The following RPS29 variants were observed in gnomAD, a reference collection of about 807,000 sequenced individuals.
The protein encoded by RPS29 is ribosomal protein S29.
For synonymous variants in RPS29, 37 were observed against 26.9 expected, an observed-to-expected ratio of 1.37 and a Z score of -1.16; for missense variants, 60 against 75.7, an observed-to-expected ratio of 0.79 and a Z score of 0.77.
At chr14:49,583,074 A>C (rs1197271263), downstream of RPS29, among the ~76,000 whole-genome samples, 1 of 152,188 alleles carries the variant, frequency 6.6e-6, no homozygotes, top group Non-Finnish European at 1.5e-5. Flanking sequence ...CCTGGGCTCA[A>C]GCAATCCTTC....
At chr14:49,592,513 A>G (rs889225663) in intron 1 of RPS29, among the ~76,000 whole-genome samples, 1 of 150,906 alleles carries the variant, frequency 6.6e-6, no homozygotes, top group African/African-American at 2.4e-5. Flanking sequence ...GATTACAGGC[A>G]TGCGCCACCA....
intron 1 of RPS29, chr14:49,598,266 G>T (rs988299951): frequency 1.7e-6 from 1 of 592,358 alleles, no homozygotes; most frequent in African/African-American, 1.9e-5. Context: ...CTCCCCAGGC[G>T]CTTCCCACTC....
chr14:49,592,032 T>C (rs1250539935), intron 1 of RPS29, among the ~76,000 whole-genome samples: 1 of 152,194 alleles, frequency 6.6e-6, no homozygotes, highest in East Asian at 1.9e-4. Flanking sequence ...TGGGAACTTT[T>C]TTGAGTCCAC....
At chr14:49,586,555 T>A (rs567250982), upstream of RPS29, 105 of 585,988 alleles carry the variant, frequency 1.8e-4, 1 homozygote, top group South Asian at 2.0e-3. Flanking sequence ...CAGCTTCTAG[T>A]GCTATTCTGC....
Position 49,586,013 on chromosome 14 carries a change from T to C in RPS29, c.99A>G (p.Lys33=). The C allele has an allele frequency of 6.2e-7, 1 of 1,614,036 alleles. No homozygotes were observed. The highest frequency in any genetic ancestry group is 2.2e-5 in the East Asian group (1 of 44,888). The change falls in exon 2 of 3, where the codon AAA becomes AAG. Residue 33 remains lysine (K), a synonymous_variant. Transcript: ENST00000245458. The stretch of plus-strand genomic sequence containing the variant: ...ACTGGCGGCACATATTGAGGCCATA[T>C]TTCCGGATCAGACCGTGCCGGTTTG... ...VCSNRHGLIR[K]YGLNMCRQCF... is the part of the protein sequence containing the mutation.
At chr14:49,592,677 G>A (rs933035413) in intron 1 of RPS29, among the ~76,000 whole-genome samples, 1 of 151,364 alleles carries the variant, frequency 6.6e-6, no homozygotes, top group African/African-American at 2.4e-5. Flanking sequence ...GGGAGGCCGA[G>A]ACGCGTGGGT....
chr14:49,580,973 G>A (rs572717443), downstream of RPS29, among the ~76,000 whole-genome samples: 3 of 152,090 alleles, frequency 2.0e-5, no homozygotes, highest in South Asian at 4.1e-4. Flanking sequence ...ATCACCTGAG[G>A]TCTGGAGTTC....
intron 2 of RPS29, chr14:49,585,633 A>G: frequency 2.3e-6 from 1 of 439,254 alleles, no homozygotes; most frequent in Admixed American, 3.8e-5. Flanking sequence ...AAATGAAACA[A>G]ATGTAAAACA....
intron 1 of RPS29, among the ~76,000 whole-genome samples, chr14:49,593,692 C>CAAAAAA (rs10647593): frequency 0.084 from 4,747 of 56,184 alleles, 1,012 homozygotes; most frequent in Non-Finnish European, 0.11. Context: ...GACTCTGTCT[C>CAAAAAA]AAAAAAAAAA....
At chr14:49,575,544 G>A (rs1409388737) in exon 3 of RPS29, 1 of 152,138 alleles carries the variant, frequency 6.6e-6, no homozygotes. Flanking sequence ...AGCCAGTTCT[G>A]GCTTCTCTAA....
chr14:49,590,911 G>A (rs777451344), upstream of RPS29, among the ~76,000 whole-genome samples: 15 of 152,118 alleles, frequency 9.9e-5, no homozygotes, highest in East Asian at 1.9e-4. Context: ...GGCTGGTCTC[G>A]AACTTCTGGC....
rs570507310 is a variant in RPS29 at position 49,584,213 on chromosome 14, A to T, written c.163-538T>A. On this transcript the variant is annotated intron_variant, in intron 2 of 2. Coordinates refer to ENST00000245458, the MANE Select transcript of RPS29 (RefSeq NM_001032.5). ...GTTGCGGAAACCCTGGGCTCAAGAA[A>T]TCTGCCCATCTTGTCGGCCTCCCAA... Among the ~76,000 whole-genome samples the T allele has an allele frequency of 2.6e-5, 4 of 152,322 alleles. No individual in the cohort carries two copies. In the East Asian group the frequency reaches 7.7e-4, roughly 29 times the overall value.
exon 3 of RPS29, chr14:49,577,719 A>T: frequency 1.0e-6 from 1 of 965,470 alleles, no homozygotes; most frequent in Non-Finnish European, 1.7e-6. Context: ...TTGACATATC[A>T]GTCTGACTGG....
chr14:49,587,038 A>T (rs1881602617), upstream of RPS29, among the ~76,000 whole-genome samples: 1 of 152,232 alleles, frequency 6.6e-6, no homozygotes, highest in African/African-American at 2.4e-5. Context: ...ATAAATTTAC[A>T]AAACAACTTA....
At chr14:49,590,158 A>G (rs1014299892), upstream of RPS29, among the ~76,000 whole-genome samples, 3 of 152,190 alleles carry the variant, frequency 2.0e-5, no homozygotes, top group African/African-American at 7.2e-5. Flanking sequence ...CAACCTGTAC[A>G]TGTTTCCTTG....
upstream of RPS29, among the ~76,000 whole-genome samples, chr14:49,587,776 G>A (rs1881621602): frequency 2.6e-5 from 4 of 152,308 alleles, no homozygotes; most frequent in South Asian, 8.3e-4. Flanking sequence ...TACGAAAGGA[G>A]CCAAGAAGAG....
intron 2 of RPS29, among the ~76,000 whole-genome samples, chr14:49,584,901 T>A: frequency 6.9e-6 from 1 of 145,788 alleles, no homozygotes; most frequent in Admixed American, 7.0e-5. Flanking sequence ...CAAACTACTA[T>A]TTAAAAGATT....
At chr14:49,578,595 C>CT (rs1375182961), downstream of RPS29, among the ~76,000 whole-genome samples, 1 of 113,106 alleles carries the variant, frequency 8.8e-6, no homozygotes, top group Non-Finnish European at 1.7e-5. Context: ...GGGTCTCACT[C>CT]TGTCTCCCAG....
upstream of RPS29, among the ~76,000 whole-genome samples, chr14:49,589,051 C>T (rs1019647084): frequency 1.3e-5 from 2 of 151,778 alleles, no homozygotes; most frequent in African/African-American, 2.4e-5. Context: ...CCACCATGCC[C>T]GGCTAATTTC....
Sources: allele counts gnomAD v4.1 joint callset (sites outside exome capture counted in the v4.1 genomes callset), GRCh38; gene constraint gnomAD v4.1.1; transcripts MANE v1.5; gene names NCBI Gene and HGNC (gene_info 2026-07-23, HGNC 2026-07-21).